The following IMPG1 variants were observed in gnomAD, a reference collection of about 807,000 sequenced individuals.
IMPG1 encodes interphotoreceptor matrix proteoglycan 1.
Under a neutral mutation model 92.0 loss-of-function variants are expected in IMPG1, and 85 were observed. The ratio of observed to expected loss-of-function variants is 0.92; its 90% confidence interval spans 0.78 to 1.11. IMPG1 has a LOEUF of 1.11. Ranked by LOEUF, IMPG1 falls within the 50% of genes least tolerant of loss-of-function variation. IMPG1 has a pLI of 0.00. For missense variants in IMPG1, 1,022 were observed against 956.0 expected, an observed-to-expected ratio of 1.07 and a Z score of -0.91; for synonymous variants, 367 against 334.1, an observed-to-expected ratio of 1.10 and a Z score of -1.08.
intron 2 of IMPG1, 76 bp downstream of exon 2, chr6:76,041,817 A>G (rs1473563185): frequency 7.1e-6 from 7 of 982,096 alleles, no homozygotes; most frequent in Non-Finnish European, 1.1e-5. Context: ...GTTTTAGGCT[A>G]AAGACAACCT....
At chr6:76,018,134 C>G (rs1783326278) in intron 7 of IMPG1, among the ~76,000 whole-genome samples, 1 of 152,140 alleles carries the variant, frequency 6.6e-6, no homozygotes, top group African/African-American at 2.4e-5. Context: ...CTATGGATGC[C>G]TGAAATTGTG....
At chr6:75,974,798 G>A (rs1430341959) in intron 12 of IMPG1, among the ~76,000 whole-genome samples, 1 of 152,096 alleles carries the variant, frequency 6.6e-6, no homozygotes, top group African/African-American at 2.4e-5. Context: ...CTGCAGGCAT[G>A]AGCCACCACA....
At chr6:76,028,498 CAG>C (rs1185790317) in intron 4 of IMPG1, among the ~76,000 whole-genome samples, 1 of 152,178 alleles carries the variant, frequency 6.6e-6, no homozygotes, top group Non-Finnish European at 1.5e-5. Context: ...TTTTATTTTT[CAG>C]AGTCAAGGAA....
intron 1 of IMPG1, among the ~76,000 whole-genome samples, chr6:76,055,846 T>A (rs1339042159): frequency 3.3e-5 from 5 of 152,056 alleles, no homozygotes; most frequent in Non-Finnish European, 7.4e-5. Flanking sequence ...TGTAGAAACG[T>A]GTAACTTACT....
Position 75,950,755 on chromosome 6 carries a change from T to C in IMPG1, c.1631A>G (p.Asp544Gly). 1 of 1,613,962 alleles carries C rather than the reference T, an allele frequency of 6.2e-7. No individual in the cohort carries two copies. The highest frequency in any genetic ancestry group is 8.5e-7 in the Non-Finnish European group (1 of 1,179,912). The change falls in exon 13 of 17, where the codon GAT becomes GGT. Residue 544 changes from aspartate to glycine, a missense_variant. Asp to Gly is a moderately conservative substitution (Grantham distance 94). Transcript: ENST00000369950. ...PELSEYVSVPDHFLEDTTPVS... is the reference protein window; with the variant it reads ...PELSEYVSVPGHFLEDTTPVS... Reference sequence around the variant, plus strand: ...AGGAGTGGTATCCTCCAAGAAATGATCTGGGACAGAAACATATTCGCTGAG... The same window carrying C: ...AGGAGTGGTATCCTCCAAGAAATGACCTGGGACAGAAACATATTCGCTGAG...
At chr6:75,993,636 AT>A (rs1373231349) in intron 12 of IMPG1, among the ~76,000 whole-genome samples, 2 of 152,144 alleles carry the variant, frequency 1.3e-5, no homozygotes, top group African/African-American at 4.8e-5. Flanking sequence ...TACCTTCCAA[AT>A]ACCATCACAG....
chr6:76,037,693 C>T (rs769329392), intron 2 of IMPG1, among the ~76,000 whole-genome samples: 5 of 152,210 alleles, frequency 3.3e-5, no homozygotes, highest in Non-Finnish European at 5.9e-5. Flanking sequence ...ATTCCACACT[C>T]TCTCTGGGGA....
At position 75,931,149 on chromosome 6, in the gene IMPG1, C is replaced by A; in HGVS notation, c.2047G>T (p.Asp683Tyr). ...AGGAACTTGCAGGGATCTGCTTGAT[C>A]AGCTGTAAGAAATGGGGCAGATTTT... ...DSYSLNIEPADQADPCKFLAC... is the reference protein window; with the variant it reads ...DSYSLNIEPAYQADPCKFLAC... Residue 683 changes from aspartate (D) to tyrosine (Y), a missense_variant and splice_region_variant, in exon 15 of 17, where the codon GAT becomes TAT. This residue lies in a region of IMPG1 where 332 missense variants were observed against 346.2 expected (regional missense o/e 0.96). Transcript: ENST00000369950. 2 of 1,610,730 alleles carry A rather than the reference C, an allele frequency of 1.2e-6. No homozygotes were observed. The highest frequency in any genetic ancestry group is 2.2e-5 in the South Asian group (2 of 90,438).
At chr6:76,047,985 C>T (rs1280217074) in intron 1 of IMPG1, among the ~76,000 whole-genome samples, 1 of 152,146 alleles carries the variant, frequency 6.6e-6, no homozygotes, top group Admixed American at 6.5e-5. Context: ...TATTTTAGTA[C>T]AATCTGCATT....
At chr6:76,002,890 A>G (rs1162303143) in intron 12 of IMPG1, 28 bp downstream of exon 12, 1 of 1,541,876 alleles carries the variant, frequency 6.5e-7, no homozygotes, top group African/African-American at 1.4e-5. Flanking sequence ...GTTGTCATCT[A>G]ACATAGACTT....
intron 14 of IMPG1, among the ~76,000 whole-genome samples, chr6:75,939,439 G>T (rs1165594018): frequency 1.3e-5 from 2 of 152,134 alleles, no homozygotes; most frequent in Admixed American, 6.5e-5. Flanking sequence ...CTATGAGTGA[G>T]AATATGTGGT....
In IMPG1 at chr6:75,922,300, G is replaced by T. The variant is rs1781443181; in HGVS notation, c.2317-134C>A. ...ATGACATCTTCTTTGAAATGTTGAA[G>T]ATGGCCTCAAAATATTCTTAACTTT... is the stretch of plus-strand genomic sequence containing the variant. On this transcript the variant is annotated intron_variant, in intron 16 of 16. Transcript: ENST00000369950. 1.1e-4 allele frequency: 61 copies of T among 567,162 alleles called. 1 individual carries two copies. The South Asian group carries it at 1.2e-3, about 11-fold the overall frequency. The allele number at this position is 567,162 out of a possible 1,614,324, so 35.1% of individuals were successfully genotyped here. A position where few individuals can be genotyped will look rare whatever the true frequency, so the allele number is the denominator to read the frequency against.
rs201693766 is a variant in IMPG1 at position 76,011,196 on chromosome 6, C to T, written c.836G>A (p.Gly279Glu). 1.3e-6 allele frequency: 2 copies of T among 1,554,446 alleles called. No individual in the cohort carries two copies. The highest frequency in any genetic ancestry group is 1.8e-6 in the Non-Finnish European group (2 of 1,127,560). ...TCCTAACACATGGATTTTTTTGAAT[C>T]CTGGAAGTTTCTTAAATATCTTTTG... Reference protein sequence around the residue: ...QMQKIFKKLPGFKKIHVLGFR... With the variant: ...QMQKIFKKLPEFKKIHVLGFR... The change falls in exon 8 of 17, where the codon GGA becomes GAA. Residue 279 changes from glycine to glutamate, a missense_variant. Physicochemically the swap from Gly to Glu is moderately conservative, Grantham distance 98. Around this residue, in one of 3 missense-constraint regions of IMPG1, gnomAD observed 681 missense variants for 583.6 expected, o/e 1.17. Transcript: ENST00000369950.
chr6:76,065,806 A>G (rs1784299421), intron 1 of IMPG1, among the ~76,000 whole-genome samples: 1 of 152,130 alleles, frequency 6.6e-6, no homozygotes, highest in African/African-American at 2.4e-5. Flanking sequence ...TGTGAAGAAA[A>G]AAATCCTAAA....
At chr6:76,046,807 T>C (rs769535646) in intron 1 of IMPG1, among the ~76,000 whole-genome samples, 1 of 152,212 alleles carries the variant, frequency 6.6e-6, no homozygotes, top group African/African-American at 2.4e-5. Flanking sequence ...CTTTATCAGA[T>C]AATCGAGACA....
chr6:76,011,034 C>G (rs2251594), intron 8 of IMPG1, 132 bp downstream of exon 8: 366,752 of 582,756 alleles, frequency 0.63, 118,123 homozygotes, highest in South Asian at 0.68. Context: ...CTGAAACGTA[C>G]TCCGTTTCCA....
At chr6:75,999,773 T>A (rs537583214) in intron 12 of IMPG1, among the ~76,000 whole-genome samples, 1 of 152,224 alleles carries the variant, frequency 6.6e-6, no homozygotes, top group Non-Finnish European at 1.5e-5. Context: ...TCTTGCTCAA[T>A]ACAAATCACA....
At chr6:75,992,921 C>G (rs143476048) in intron 12 of IMPG1, among the ~76,000 whole-genome samples, 2 of 152,192 alleles carry the variant, frequency 1.3e-5, no homozygotes, top group Non-Finnish European at 2.9e-5. Flanking sequence ...TTCTCCTCTT[C>G]TGAACTAAAA....
intron 12 of IMPG1, among the ~76,000 whole-genome samples, chr6:75,963,979 A>G (rs1782255764): frequency 6.6e-6 from 1 of 152,228 alleles, no homozygotes; most frequent in African/African-American, 2.4e-5. Context: ...GAGGCAATGG[A>G]TAACAGCTGG....
Sources: allele counts gnomAD v4.1 joint callset (sites outside exome capture counted in the v4.1 genomes callset), GRCh38; gene constraint gnomAD v4.1.1; regional missense constraint gnomAD v4.1.1; transcripts MANE v1.5; gene names NCBI Gene and HGNC (gene_info 2026-07-23, HGNC 2026-07-21).